SMOC1: variants seen among roughly 807,000 people sequenced by gnomAD.
SMOC1 encodes the protein SPARC-related modular calcium-binding protein 1.
SMOC1 carries 22 observed loss-of-function variants against 56.3 expected under a neutral mutation model. The observed-to-expected ratio is 0.39, with a 90% confidence interval of 0.28 to 0.56. The LOEUF is 0.56. Among genes scored for constraint, SMOC1 ranks in the 20% least tolerant of loss-of-function variants. The probability of loss-of-function intolerance (pLI) is 0.61; values close to 1 mark genes in which losing one functional copy is unlikely to be tolerated. For missense variants in SMOC1, 509 were observed against 565.4 expected (o/e 0.90, Z 1.01); for synonymous variants, 193 against 215.0 (o/e 0.90, Z 0.89).
intron 2 of SMOC1, among the ~76,000 whole-genome samples, chr14:69,953,096 G>T (rs1036602347): frequency 3.3e-5 from 5 of 152,150 alleles, no homozygotes; most frequent in African/African-American, 1.2e-4. Flanking sequence ...TTGAGCCCCT[G>T]TTAGGCTTAC....
Position 69,879,429 on chromosome 14 carries a change from G to C in SMOC1, c.-250G>C. 1 of 377,544 alleles carries C rather than the reference G, an allele frequency of 2.6e-6. No individual in the cohort carries two copies. Among genetic ancestry groups the C allele is most frequent in the African/African-American group, 2.1e-5 (1 of 47,166 alleles). 23.4% of individuals were successfully genotyped at this position (377,544 alleles called of 1,614,324 possible). A position where few individuals can be genotyped will look rare whatever the true frequency, so the allele number is the denominator to read the frequency against. On this transcript the variant is annotated 5_prime_UTR_variant, in exon 1 of 12. Coordinates refer to ENST00000361956, the MANE Select transcript of SMOC1 (RefSeq NM_001034852.3). ...TGGCCCGGGCTCAGGCGTCCAACCT[G>C]CTGCCGCCTGGGCCCCGCCGAGCGG...
intron 1 of SMOC1, among the ~76,000 whole-genome samples, chr14:69,889,873 T>C (rs1883915134): frequency 6.6e-6 from 1 of 152,242 alleles, no homozygotes; most frequent in Admixed American, 6.5e-5. Flanking sequence ...TCTTTCCTCA[T>C]GCTGCCAGGG....
intron 9 of SMOC1, among the ~76,000 whole-genome samples, chr14:70,012,688 C>T (rs556269918): frequency 6.6e-6 from 1 of 152,288 alleles, no homozygotes; most frequent in African/African-American, 2.4e-5. Flanking sequence ...CTTTATAGGA[C>T]ACCCATTTAT....
At chr14:69,985,350 A>T (rs773913623) in intron 5 of SMOC1, among the ~76,000 whole-genome samples, 1 of 152,246 alleles carries the variant, frequency 6.6e-6, no homozygotes. Flanking sequence ...CTGAAAAACA[A>T]CTAAACATAC....
chr14:69,944,660 C>T (rs1321271419), intron 1 of SMOC1, among the ~76,000 whole-genome samples: 3 of 152,200 alleles, frequency 2.0e-5, no homozygotes, highest in Admixed American at 6.5e-5. Context: ...GTGCTAATCA[C>T]ATTGGCCGTT....
In SMOC1 at chr14:69,946,648, C is replaced by G. The variant is rs755568635; in HGVS notation, c.100-5490C>G. Among the ~76,000 whole-genome samples, 110 of 152,174 alleles carry G rather than the reference C, an allele frequency of 7.2e-4. 1 individual carries two copies. The highest frequency in any genetic ancestry group is 3.9e-4 in the Admixed American group (6 of 15,284). On this transcript the variant is annotated intron_variant, in intron 1 of 11. Transcript: ENST00000361956. Reference sequence around the variant, plus strand: ...CCCAATCCCCCAAATTTCCACCAACCGTGATTGCTCCTGAGCGACTCCAAA... The same window carrying G: ...CCCAATCCCCCAAATTTCCACCAACGGTGATTGCTCCTGAGCGACTCCAAA...
intron 7 of SMOC1, among the ~76,000 whole-genome samples, chr14:69,997,909 G>A (rs1310863002): frequency 1.3e-5 from 2 of 152,138 alleles, no homozygotes; most frequent in African/African-American, 2.4e-5. Context: ...CCATCGGGGT[G>A]AGAGCTCTTC....
At chr14:69,895,414 A>G (rs1884068734) in intron 1 of SMOC1, among the ~76,000 whole-genome samples, 1 of 152,260 alleles carries the variant, frequency 6.6e-6, no homozygotes. Context: ...AATGAGATCA[A>G]TGTAAACATC....
chr14:70,000,382 G>C (rs1313308040), intron 7 of SMOC1, among the ~76,000 whole-genome samples: 4 of 152,162 alleles, frequency 2.6e-5, no homozygotes, highest in African/African-American at 9.7e-5. Context: ...TGAAAGTACA[G>C]AGACTGTCAG....
chr14:69,962,003 C>G (rs1184390759), intron 3 of SMOC1, among the ~76,000 whole-genome samples: 5 of 152,188 alleles, frequency 3.3e-5, no homozygotes, highest in African/African-American at 9.7e-5. Context: ...TCTCTGATGA[C>G]TAATGATGTC....
intron 1 of SMOC1, among the ~76,000 whole-genome samples, chr14:69,947,087 G>GTTCCTTCCTT (rs1882810025): frequency 7.0e-5 from 10 of 143,474 alleles, no homozygotes; most frequent in Non-Finnish European, 1.1e-4. Flanking sequence ...TCTCAGGCCG[G>GTTCCTTCCTT]CCTTCCTTCC....
chr14:69,988,816 C>T (rs749337232), intron 5 of SMOC1, among the ~76,000 whole-genome samples: 4 of 152,158 alleles, frequency 2.6e-5, no homozygotes, highest in Non-Finnish European at 2.9e-5. Context: ...GTATTTACAT[C>T]TGGATTTTTA....
At chr14:69,921,072 C>T (rs1884827543) in intron 1 of SMOC1, among the ~76,000 whole-genome samples, 2 of 152,172 alleles carry the variant, frequency 1.3e-5, no homozygotes, top group Non-Finnish European at 2.9e-5. Flanking sequence ...CCTGGGTGTC[C>T]TGAGAGCTTC....
chr14:70,018,143 C>T (rs570852932), intron 10 of SMOC1, among the ~76,000 whole-genome samples: 1 of 152,126 alleles, frequency 6.6e-6, no homozygotes, highest in South Asian at 2.1e-4. Flanking sequence ...AAGGGAGCTG[C>T]AGGGTTAGGT....
In SMOC1 at chr14:70,001,035, G is replaced by A. The variant is rs186531204; in HGVS notation, c.664+6555G>A. On this transcript the variant is annotated intron_variant, in intron 7 of 11. Transcript: ENST00000361956. ...CTGTGGAAAGAGGTATGAGGTACGA[G>A]GGAGAACCTGAGAGCACCGAGCAGC... 2.0e-5 allele frequency among the ~76,000 whole-genome samples: 3 copies of A among 152,262 alleles called. No homozygotes were observed. In the East Asian group the frequency reaches 5.8e-4, roughly 29 times the overall value.
At chr14:69,978,185 G>A in intron 5 of SMOC1, 1 of 609,256 alleles carries the variant, frequency 1.6e-6, no homozygotes, top group Non-Finnish European at 3.0e-6. Flanking sequence ...GGAGGTGACT[G>A]AGTATAGAGC....
intron 7 of SMOC1, among the ~76,000 whole-genome samples, chr14:70,000,479 G>A (rs1884927675): frequency 6.6e-6 from 1 of 152,200 alleles, no homozygotes; most frequent in Non-Finnish European, 1.5e-5. Flanking sequence ...ATACTGTGAA[G>A]TATTTCATAT....
Position 70,023,224 on chromosome 14 carries a change from C to T in SMOC1, c.1068C>T (p.Ser356=), listed in dbSNP as rs770580186. The change falls in exon 11 of 12, where the codon AGC becomes AGT. Residue 356 remains serine, a synonymous_variant. Transcript: ENST00000361956. Reference sequence around the variant, plus strand: ...CCAGGTTCTCAGAGCCAGACCCCAGCCACACCCTGGAGGAGCGGGTAGTGC... The same window carrying T: ...CCAGGTTCTCAGAGCCAGACCCCAGTCACACCCTGGAGGAGCGGGTAGTGC... The part of the protein sequence containing the change: ...GGGRFSEPDP[S]HTLEERVVHW... 2.5e-6 allele frequency: 4 copies of T among 1,614,016 alleles called. No homozygotes were observed.
intron 1 of SMOC1, among the ~76,000 whole-genome samples, chr14:69,944,749 T>C (rs982915182): frequency 2.0e-5 from 3 of 152,158 alleles, no homozygotes; most frequent in African/African-American, 7.2e-5. Context: ...GCCCGAGTTA[T>C]GGGTGAGATG....
Sources: allele counts gnomAD v4.1 joint callset (sites outside exome capture counted in the v4.1 genomes callset), GRCh38; gene constraint gnomAD v4.1.1; transcripts MANE v1.5; gene names NCBI Gene and HGNC (gene_info 2026-07-23, HGNC 2026-07-21).